The following C4orf51 variants were observed in gnomAD, a reference collection of about 807,000 sequenced individuals.
C4orf51 encodes uncharacterized protein C4orf51.
Under a neutral mutation model 25.2 loss-of-function variants are expected in C4orf51, and 25 were observed. The observed-to-expected ratio is 0.99, with a 90% CI of 0.72 to 1.39. C4orf51 has a LOEUF of 1.39. Among genes scored for constraint, C4orf51 ranks in the 40% most tolerant of loss-of-function variants. The pLI is 0.00. For synonymous variants in C4orf51, 100 were observed against 84.5 expected (o/e 1.18, Z -1.01); for missense variants, 252 against 239.6 (o/e 1.05, Z -0.34).
intron 1 of C4orf51, among the ~76,000 whole-genome samples, chr4:145,738,569 A>G (rs989062070): frequency 6.6e-6 from 1 of 152,000 alleles, no homozygotes; most frequent in Non-Finnish European, 1.5e-5. Flanking sequence ...GGACTGTTGT[A>G]TCTGTGATTT....
intron 1 of C4orf51, among the ~76,000 whole-genome samples, chr4:145,748,630 A>G (rs932492121): frequency 6.6e-6 from 1 of 152,106 alleles, no homozygotes; most frequent in Non-Finnish European, 1.5e-5. Context: ...TAATTTCTTC[A>G]TTGACGCACC....
downstream of C4orf51, among the ~76,000 whole-genome samples, chr4:145,757,456 T>C (rs1039307358): frequency 1.3e-5 from 2 of 152,206 alleles, no homozygotes; most frequent in Non-Finnish European, 2.9e-5. Flanking sequence ...GTTTGCATTA[T>C]AACCATCGCT....
intron 1 of C4orf51, among the ~76,000 whole-genome samples, chr4:145,687,994 A>T (rs895083468): frequency 6.6e-6 from 1 of 152,244 alleles, no homozygotes; most frequent in African/African-American, 2.4e-5. Flanking sequence ...ATGATGTAAA[A>T]AATGCCACAT....
intron 1 of C4orf51, 113 bp from the exon 2 acceptor site, chr4:145,696,446 C>A: frequency 2.2e-6 from 2 of 892,094 alleles, no homozygotes; most frequent in Non-Finnish European, 3.6e-6. Context: ...ACTCCCAAAC[C>A]TAAAATGAAA....
At chr4:145,709,385 T>C (rs1578967777) in intron 2 of C4orf51, among the ~76,000 whole-genome samples, 1 of 152,202 alleles carries the variant, frequency 6.6e-6, no homozygotes, top group Admixed American at 6.5e-5. Flanking sequence ...TTCCAATTAA[T>C]GTCTGTCCCC....
chr4:145,781,195 C>CAAAAAAAAAAAAAAAAAAAAAAAA, the C4orf51 span, among the ~76,000 whole-genome samples: 47 of 56,532 alleles, frequency 8.3e-4, no homozygotes, highest in East Asian at 1.4e-3. Context: ...GACACCATCT[C>CAAAAAAAAAAAAAAAAAAAAAAAA]AAAAAAAAAA....
chr4:145,721,344 CAAA>C lies in C4orf51; in HGVS notation c.308-5551_308-5549del, dbSNP rs11299166. On this transcript the variant is annotated intron_variant, in intron 2 of 5. Transcript: ENST00000438731. Reference sequence around the variant, plus strand: ...TGGGCGACAGAGTGAGACTCTGTCTCAAAAAAAAAAAAAAAAAAGATCACACTG... The same window carrying C: ...TGGGCGACAGAGTGAGACTCTGTCTCAAAAAAAAAAAAAAAGATCACACTG... Among the ~76,000 whole-genome samples, 80 of 107,352 alleles carry C rather than the reference CAAA, an allele frequency of 7.5e-4. 1 individual carries two copies. The South Asian group carries it at 0.023, about 30-fold the overall frequency. 70.4% of individuals were successfully genotyped at this position (107,352 alleles called of 152,430 possible). A position where few individuals can be genotyped will look rare whatever the true frequency, so the allele number is the denominator to read the frequency against.
At chr4:145,693,472 T>C (rs1729749930) in intron 1 of C4orf51, among the ~76,000 whole-genome samples, 1 of 152,156 alleles carries the variant, frequency 6.6e-6, no homozygotes, top group African/African-American at 2.4e-5. Flanking sequence ...TTCTCAATCT[T>C]TTCCCCACCT....
chr4:145,683,966 C>A (rs1269532466), intron 1 of C4orf51, among the ~76,000 whole-genome samples: 1 of 152,024 alleles, frequency 6.6e-6, no homozygotes, highest in Non-Finnish European at 1.5e-5. Flanking sequence ...AGAAGACAAA[C>A]CACAGACTGG....
intron 1 of C4orf51, among the ~76,000 whole-genome samples, chr4:145,681,618 T>A (rs541026251): frequency 1.3e-5 from 2 of 152,162 alleles, no homozygotes; most frequent in Admixed American, 1.3e-4. Context: ...TTATAAATAA[T>A]AGAAGTTTAT....
chr4:145,723,213 A>G (rs1731842240), intron 2 of C4orf51, among the ~76,000 whole-genome samples: 1 of 152,118 alleles, frequency 6.6e-6, no homozygotes, highest in African/African-American at 2.4e-5. Flanking sequence ...CTGGCCAACA[A>G]TGCGTACATC....
chr4:145,699,477 T>C (rs1178255359), intron 2 of C4orf51, among the ~76,000 whole-genome samples: 2 of 152,056 alleles, frequency 1.3e-5, no homozygotes, highest in African/African-American at 4.8e-5. Flanking sequence ...TCAACCTCTT[T>C]CTCCTTTCAA....
intron 1 of C4orf51, among the ~76,000 whole-genome samples, chr4:145,742,152 C>G (rs1165827513): frequency 1.3e-5 from 2 of 152,174 alleles, no homozygotes; most frequent in Non-Finnish European, 1.5e-5. Flanking sequence ...TAAAGATCAC[C>G]AATGGCCATC....
chr4:145,739,542 C>T (rs780454985), intron 1 of C4orf51, among the ~76,000 whole-genome samples: 1 of 152,152 alleles, frequency 6.6e-6, no homozygotes, highest in East Asian at 1.9e-4. Context: ...TTTTCACTCT[C>T]TTCTTGAAAC....
At chr4:145,751,782 C>T (rs1415026854) in intron 1 of C4orf51, among the ~76,000 whole-genome samples, 4 of 152,220 alleles carry the variant, frequency 2.6e-5, no homozygotes, top group African/African-American at 9.6e-5. Context: ...GAGTCAGGGC[C>T]TGGAGTCAAA....
rs562465274 is a variant in C4orf51, at chr4:145,680,348, A to G, written c.145A>G (p.Thr49Ala). The G allele has an allele frequency of 3.1e-6, 5 of 1,613,994 alleles. No individual in the cohort carries two copies. Among genetic ancestry groups the G allele is most frequent in the Admixed American group, 1.7e-5 (1 of 60,012 alleles). ...GTCAGATTCTTCCGTGACAACATAC[A>G]CAGGCAGTTACCGGAAAAAACAACT... ...RWSDSSVTTYTGSYRKKQLDK... is the reference protein window; with the variant it reads ...RWSDSSVTTYAGSYRKKQLDK... The change falls in exon 1 of 6, where the codon ACA (threonine) becomes GCA (alanine). Residue 49 changes from threonine (T) to alanine (A), a missense_variant. Transcript: ENST00000438731.
In C4orf51 at chr4:145,693,702, C is replaced by T. The variant is rs1354353469; in HGVS notation, c.234-2857C>T. ...CTCCCTCCCGGAGGGGGCGGCTGGC[C>T]GGACGGGGGGCTGACCCCCCCACCT... On this transcript the variant is annotated intron_variant, in intron 1 of 5. Transcript: ENST00000438731. Among the ~76,000 whole-genome samples the T allele has an allele frequency of 7.8e-5, 6 of 76,718 alleles. 1 individual carries two copies. Among genetic ancestry groups the T allele is most frequent in the Admixed American group, 4.3e-4 (3 of 6,982 alleles). The allele number at this position is 76,718 out of a possible 152,430, so 50.3% of individuals were successfully genotyped here. A position where few individuals can be genotyped will look rare whatever the true frequency, so the allele number is the denominator to read the frequency against.
At chr4:145,729,060 G>T (rs1732271689) in intron 3 of C4orf51, 109 bp from the exon 4 acceptor site, 8 of 773,786 alleles carry the variant, frequency 1.0e-5, no homozygotes, top group Non-Finnish European at 1.5e-5. Context: ...CAGTATCAGT[G>T]CTTTCTGAAT....
intron 1 of C4orf51, among the ~76,000 whole-genome samples, chr4:145,753,140 TTGTGTGTGTGTG>T (rs57325282): frequency 4.5e-4 from 65 of 145,860 alleles, no homozygotes; most frequent in African/African-American, 1.0e-3. Context: ...TATGAAGGTT[TTGTGTGTGTGTG>T]TGTGTGTGTG....
Sources: gnomAD v4.1 joint callset for allele counts (sites outside exome capture counted in the v4.1 genomes callset) on GRCh38, gnomAD v4.1.1 for gene constraint, MANE v1.5 for transcripts, NCBI Gene and HGNC (gene_info 2026-07-23, HGNC 2026-07-21) for gene names.